ZMYND11: variants seen among roughly 807,000 people sequenced by gnomAD.
ZMYND11 encodes zinc finger MYND-type containing 11.
Under a neutral mutation model 84.9 loss-of-function variants are expected in ZMYND11, and 9 were observed. The observed-to-expected ratio is 0.11, with a 90% CI of 0.06 to 0.18. The LOEUF is 0.18. Among genes scored for constraint, ZMYND11 ranks in the 10% least tolerant of loss-of-function variants. The pLI, the probability that ZMYND11 is intolerant of heterozygous loss-of-function variation, is 1.00. For synonymous variants in ZMYND11, 250 were observed against 244.1 expected, an observed-to-expected ratio of 1.02 and a Z score of -0.23; for missense variants, 409 against 761.0, an observed-to-expected ratio of 0.54 and a Z score of 5.44.
rs530764390 is a variant in ZMYND11 at position 138,488 on chromosome 10, C to T, written c.-20+2929C>T. Among the ~76,000 whole-genome samples, 107 of 152,278 alleles carry T rather than the reference C, an allele frequency of 7.0e-4. 3 individuals carry two copies. In the Middle Eastern group the frequency reaches 0.014, roughly 19 times the overall value. On this transcript the variant is annotated intron_variant, in intron 1 of 14. Coordinates refer to ENST00000381604, the MANE Select transcript of ZMYND11 (RefSeq NM_001370100.5). ...TATGTTTATTTGGACTCTCATCCTT[C>T]GGTAACCCTCTGAGTTTTTTCTTCT...
chr10:248,041 A>C (rs1427262202), intron 12 of ZMYND11, among the ~76,000 whole-genome samples: 2 of 152,174 alleles, frequency 1.3e-5, no homozygotes, highest in Non-Finnish European at 2.9e-5. Flanking sequence ...TGTTTAGTTT[A>C]TTTTAAAAAC....
chr10:215,550 CTTTGTTT>C (rs1042029967), intron 3 of ZMYND11, among the ~76,000 whole-genome samples: 2 of 149,812 alleles, frequency 1.3e-5, no homozygotes, highest in East Asian at 2.0e-4. Flanking sequence ...TAGGGGGCAT[CTTTGTTT>C]TTTGTTTTTT....
chr10:198,479 TC>T (rs1942330551), intron 2 of ZMYND11, among the ~76,000 whole-genome samples: 1 of 152,220 alleles, frequency 6.6e-6, no homozygotes, highest in African/African-American at 2.4e-5. Context: ...TTACACTGTA[TC>T]TATATTCAGC....
chr10:249,321 T>G, intron 14 of ZMYND11: 1 of 1,312,826 alleles, frequency 7.6e-7, no homozygotes. Flanking sequence ...GAGATTATAA[T>G]ACCTTAGTAC....
At chr10:240,281 G>GGATCACGA (rs970232080) in intron 8 of ZMYND11, among the ~76,000 whole-genome samples, 170 bp downstream of exon 8, 1 of 152,118 alleles carries the variant, frequency 6.6e-6, no homozygotes, top group African/African-American at 2.4e-5. Context: ...CAAGTTGGGC[G>GGATCACGA]GATCACGAGA....
At position 157,676 on chromosome 10, in the gene ZMYND11, C is replaced by T. The variant is rs574190872; in HGVS notation, c.-20+22117C>T. Among the ~76,000 whole-genome samples, 15 of 152,176 alleles carry T rather than the reference C, an allele frequency of 9.9e-5. 1 individual carries two copies. In the South Asian group the frequency reaches 2.5e-3, roughly 25 times the overall value. On this transcript the variant is annotated intron_variant, in intron 1 of 14. Coordinates refer to ENST00000381604, the MANE Select transcript of ZMYND11 (RefSeq NM_001370100.5). ...TTTGTAAGTTCATAATTTTAATAGACGCTATAAAAATAGTCCTCTGCTGAC... is the reference window on the plus strand; with the variant it reads ...TTTGTAAGTTCATAATTTTAATAGATGCTATAAAAATAGTCCTCTGCTGAC...
rs144061013 is a variant in ZMYND11, at chr10:189,111, C to T, written c.116+8983C>T. Among the ~76,000 whole-genome samples, 519 of 152,282 alleles carry T rather than the reference C, an allele frequency of 3.4e-3. 3 individuals are homozygous for T. The highest frequency in any genetic ancestry group is 0.012 in the African/African-American group (497 of 41,550). Reference sequence around the variant, plus strand: ...TTGCGTTGCTTACTTTACGGTCAGACCCCAGTTAGAAAATGTGACCTCTGA... The same window carrying T: ...TTGCGTTGCTTACTTTACGGTCAGATCCCAGTTAGAAAATGTGACCTCTGA... On this transcript the variant is annotated intron_variant, in intron 2 of 14. Coordinates refer to ENST00000381604, the MANE Select transcript of ZMYND11 (RefSeq NM_001370100.5).
At chr10:153,049 G>A (rs1170292415) in intron 1 of ZMYND11, among the ~76,000 whole-genome samples, 1 of 152,132 alleles carries the variant, frequency 6.6e-6, no homozygotes, top group Non-Finnish European at 1.5e-5. Flanking sequence ...GTTTGTATTG[G>A]AACAGATTGA....
intron 2 of ZMYND11, among the ~76,000 whole-genome samples, chr10:209,482 C>T (rs1229808989): frequency 6.6e-6 from 1 of 152,108 alleles, no homozygotes; most frequent in East Asian, 1.9e-4. Context: ...GTTTGTAGTT[C>T]TAAGGTCCTA....
intron 1 of ZMYND11, among the ~76,000 whole-genome samples, chr10:139,084 G>T (rs959231565): frequency 5.3e-5 from 8 of 152,108 alleles, no homozygotes; most frequent in African/African-American, 1.9e-4. Context: ...GGGACTATAG[G>T]CATGAGCCAC....
intron 1 of ZMYND11, among the ~76,000 whole-genome samples, chr10:150,772 G>A (rs185901035): frequency 6.6e-5 from 10 of 152,290 alleles, no homozygotes; most frequent in East Asian, 3.9e-4. Flanking sequence ...ATCTGAGAAC[G>A]GACAGACTGC....
intron 2 of ZMYND11, among the ~76,000 whole-genome samples, chr10:199,702 G>C (rs537138315): frequency 6.6e-6 from 1 of 151,932 alleles, no homozygotes; most frequent in African/African-American, 2.4e-5. Flanking sequence ...TAAAGTGCTG[G>C]GATTATAGGT....
At chr10:235,886 C>T (rs1030229625) in intron 4 of ZMYND11, among the ~76,000 whole-genome samples, 16 of 152,194 alleles carry the variant, frequency 1.1e-4, no homozygotes, top group African/African-American at 3.4e-4. Context: ...AGTGTACGTA[C>T]GTATAATCAA....
At chr10:237,764 G>T (rs1950222321) in intron 6 of ZMYND11, 87 bp downstream of exon 6, 2 of 1,020,802 alleles carry the variant, frequency 2.0e-6, no homozygotes, top group Non-Finnish European at 2.8e-6. Flanking sequence ...GCAGATTTTG[G>T]TTGCTCTTCT....
chr10:240,884 C>G lies in ZMYND11; in HGVS notation c.754-9C>G. The G allele has an allele frequency of 6.2e-7, 1 of 1,609,634 alleles. No individual in the cohort carries two copies. The highest frequency in any genetic ancestry group is 1.1e-5 in the South Asian group (1 of 90,312). On this transcript the variant is annotated splice_polypyrimidine_tract_variant and intron_variant, in intron 8 of 14. Coordinates refer to ENST00000381604, the MANE Select transcript of ZMYND11 (RefSeq NM_001370100.5). ...TATGTAGGCTAAAGTAGTTTCTTTT[C>G]TTTTTCAGCTGGATGAACTGCAGCT...
chr10:244,987 A>C (rs1296214790), intron 10 of ZMYND11, among the ~76,000 whole-genome samples: 1 of 152,238 alleles, frequency 6.6e-6, no homozygotes, highest in Non-Finnish European at 1.5e-5. Context: ...AACTACTTTG[A>C]AAAAGTGAAC....
intron 1 of ZMYND11, among the ~76,000 whole-genome samples, chr10:178,759 A>G (rs190782224): frequency 6.6e-5 from 10 of 152,348 alleles, no homozygotes; most frequent in East Asian, 5.8e-4. Context: ...AACATGTTCA[A>G]AATGTATTCT....
intron 3 of ZMYND11, among the ~76,000 whole-genome samples, chr10:216,944 G>C (rs1290422986): frequency 1.3e-5 from 2 of 152,044 alleles, no homozygotes; most frequent in Non-Finnish European, 2.9e-5. Flanking sequence ...ATGATAAACA[G>C]AATTTGTTAA....
chr10:241,069 ATATCATAG>A, intron 9 of ZMYND11, 99 bp downstream of exon 9: 1 of 863,056 alleles, frequency 1.2e-6, no homozygotes, highest in East Asian at 2.7e-5. Context: ...AATTTTTAAA[ATATCATAG>A]TATATATGGG....
Sources: gnomAD v4.1 joint callset for allele counts (sites outside exome capture counted in the v4.1 genomes callset) on GRCh38, gnomAD v4.1.1 for gene constraint, MANE v1.5 for transcripts, NCBI Gene and HGNC (gene_info 2026-07-23, HGNC 2026-07-21) for gene names.